Variants in CHN2 observed in about 807,000 individuals in gnomAD.
CHN2 encodes beta-chimaerin.
CHN2 carries 35 observed loss-of-function variants against 56.3 expected under a neutral mutation model. The observed-to-expected ratio is 0.62, with a 90% CI of 0.47 to 0.82. The LOEUF (loss-of-function observed/expected upper bound fraction) is 0.82. CHN2 is among the 40% of genes least tolerant of loss of function. The pLI is 0.00. For synonymous variants in CHN2, 210 were observed against 212.8 expected, an observed-to-expected ratio of 0.99 and a Z score of 0.12; for missense variants, 491 against 580.5, an observed-to-expected ratio of 0.85 and a Z score of 1.58.
At chr7:29,246,617 C>G (rs968746366) in intron 1 of CHN2, among the ~76,000 whole-genome samples, 4 of 152,166 alleles carry the variant, frequency 2.6e-5, no homozygotes, top group Admixed American at 6.5e-5. Context: ...GCTCACATAA[C>G]TTAAGTACGT....
intron 3 of CHN2, among the ~76,000 whole-genome samples, chr7:29,391,469 A>G (rs543421031): frequency 6.6e-6 from 1 of 152,164 alleles, no homozygotes; most frequent in Non-Finnish European, 1.5e-5. Context: ...TATACAAGGA[A>G]TCATGTATTA....
At chr7:29,173,129 T>C (rs13244357) in intron 2 of CHN2, among the ~76,000 whole-genome samples, 16,984 of 119,144 alleles carry the variant, frequency 0.14, 1,161 homozygotes, top group African/African-American at 0.23. Context: ...AGACTCTGTA[T>C]CAAAAAAAAA....
rs184850616 is a variant in CHN2 at position 29,506,163 on chromosome 7, G to T, written c.992-1065G>T. 7.6e-4 allele frequency among the ~76,000 whole-genome samples: 115 copies of T among 152,270 alleles called. 2 individuals are homozygous for T. The East Asian group carries it at 0.011, about 14-fold the overall frequency. On this transcript the variant is annotated intron_variant, in intron 10 of 12. Coordinates refer to ENST00000222792, the MANE Select transcript of CHN2 (RefSeq NM_004067.4). ...GTCTTGAGAACTATTGTTAGAAATG[G>T]TAAGAAATATAGGCCAGGCACGGTG...
At chr7:29,166,978 T>A (rs2128719529) in intron 2 of CHN2, among the ~76,000 whole-genome samples, 2 of 152,292 alleles carry the variant, frequency 1.3e-5, no homozygotes, top group Admixed American at 1.3e-4. Context: ...TAAGATATAT[T>A]TCTATGCTTT....
chr7:29,333,910 A>G (rs1585085202), intron 1 of CHN2, among the ~76,000 whole-genome samples: 1 of 152,272 alleles, frequency 6.6e-6, no homozygotes, highest in South Asian at 2.1e-4. Flanking sequence ...GAAAATGCGC[A>G]GTGCTGTGTG....
chr7:29,446,870 G>A (rs563859375), intron 6 of CHN2, among the ~76,000 whole-genome samples: 59 of 152,264 alleles, frequency 3.9e-4, no homozygotes, highest in African/African-American at 1.4e-3. Flanking sequence ...TCATTCATGG[G>A]GCCTTGGGAG....
intron 2 of CHN2, among the ~76,000 whole-genome samples, chr7:29,179,047 C>A (rs542124296): frequency 6.6e-6 from 1 of 152,290 alleles, no homozygotes; most frequent in Non-Finnish European, 1.5e-5. Flanking sequence ...ATAGGGGACC[C>A]AGCATCTCTC....
chr7:29,480,251 C>G (rs774848070), intron 6 of CHN2, 28 bp from the exon 7 acceptor site: 17 of 1,613,986 alleles, frequency 1.1e-5, no homozygotes, highest in Non-Finnish European at 3.4e-6. Flanking sequence ...TTCTTTGGCC[C>G]CCTCTCAAAC....
chr7:29,360,067 T>A (rs1445418260), intron 2 of CHN2, among the ~76,000 whole-genome samples: 1 of 152,216 alleles, frequency 6.6e-6, no homozygotes, highest in Non-Finnish European at 1.5e-5. Flanking sequence ...TTACCCCAGA[T>A]CTCTGGATCA....
At chr7:29,190,864 G>A (rs1270067291), upstream of CHN2, among the ~76,000 whole-genome samples, 3 of 151,708 alleles carry the variant, frequency 2.0e-5, no homozygotes, top group African/African-American at 7.3e-5. Context: ...AACATCCACT[G>A]AGCACCTATT....
chr7:29,509,229 ACTT>A (rs1790982618), intron 11 of CHN2, 69 bp from the exon 12 acceptor site: 2 of 1,148,440 alleles, frequency 1.7e-6, no homozygotes, highest in South Asian at 2.6e-5. Flanking sequence ...TAAAACAAAA[ACTT>A]CTTGTTACTT....
chr7:29,219,935 C>T (rs769890885), intron 1 of CHN2, among the ~76,000 whole-genome samples: 9 of 151,928 alleles, frequency 5.9e-5, no homozygotes, highest in Non-Finnish European at 8.8e-5. Flanking sequence ...ATTAGCTGGG[C>T]GTGGTGGCAC....
intron 1 of CHN2, among the ~76,000 whole-genome samples, chr7:29,279,235 T>C (rs1437411626): frequency 6.6e-6 from 1 of 152,278 alleles, no homozygotes; most frequent in East Asian, 1.9e-4. Flanking sequence ...TGAATTTCTC[T>C]GGTTATTGGA....
intron 6 of CHN2, among the ~76,000 whole-genome samples, chr7:29,416,124 T>C (rs1388436306): frequency 1.3e-5 from 2 of 152,212 alleles, no homozygotes; most frequent in Non-Finnish European, 2.9e-5. Context: ...CCCTCTGCCA[T>C]TTTCCTTAAA....
At chr7:29,422,522 A>G (rs1562594832) in intron 6 of CHN2, among the ~76,000 whole-genome samples, 1 of 152,266 alleles carries the variant, frequency 6.6e-6, no homozygotes, top group Non-Finnish European at 1.5e-5. Flanking sequence ...CAAAGTAGCC[A>G]TAGCTGAGAT....
At chr7:29,389,627 T>C (rs1801201693) in intron 3 of CHN2, among the ~76,000 whole-genome samples, 1 of 152,260 alleles carries the variant, frequency 6.6e-6, no homozygotes, top group South Asian at 2.1e-4. Context: ...TATATTAAGG[T>C]AGTTCCAAAA....
rs1342947042 is a variant in CHN2 at position 29,424,717 on chromosome 7, C to CAA, written c.576+23891_576+23892dup. 5.9e-5 allele frequency among the ~76,000 whole-genome samples: 9 copies of CAA among 152,266 alleles called. No homozygotes were observed. In the South Asian group the frequency reaches 1.9e-3, roughly 32 times the overall value. On this transcript the variant is annotated intron_variant, in intron 6 of 12. Coordinates refer to ENST00000222792, the MANE Select transcript of CHN2 (RefSeq NM_004067.4). ...CTTTTTTAAAAAAAATCTGTTAGGC[C>CAA]AAAGTTCACAGCCTCATATGGCAAC...
intron 1 of CHN2, among the ~76,000 whole-genome samples, chr7:29,326,471 TA>T (rs1795812355): frequency 6.6e-6 from 1 of 152,192 alleles, no homozygotes; most frequent in Non-Finnish European, 1.5e-5. Flanking sequence ...TTTGATTTTC[TA>T]AAGAGCTGCA....
intron 9 of CHN2, among the ~76,000 whole-genome samples, chr7:29,500,887 T>C (rs1243406955): frequency 6.6e-6 from 1 of 152,242 alleles, no homozygotes; most frequent in Non-Finnish European, 1.5e-5. Flanking sequence ...TTCTTTATGT[T>C]GTACATGAGT....
Sources: allele counts gnomAD v4.1 joint callset (sites outside exome capture counted in the v4.1 genomes callset), GRCh38; gene constraint gnomAD v4.1.1; transcripts MANE v1.5; gene names NCBI Gene and HGNC (gene_info 2026-07-23, HGNC 2026-07-21).